The following APP variants were observed in gnomAD, a reference collection of about 807,000 sequenced individuals.
The protein encoded by APP is amyloid-beta precursor protein.
Under a neutral mutation model 101.4 loss-of-function variants are expected in APP, and 31 were observed. That is an observed-to-expected ratio of 0.31 (90% CI 0.23 to 0.41). The LOEUF is 0.41. Among genes scored for constraint, APP ranks in the 10% least tolerant of loss-of-function variants. The pLI is 1.00. For missense variants in APP, 839 were observed against 1,003.7 expected (o/e 0.84, Z 2.22); for synonymous variants, 366 against 364.4 (o/e 1.00, Z -0.05).
intron 1 of APP, among the ~76,000 whole-genome samples, chr21:26,118,293 A>C (rs926682928): frequency 1.2e-4 from 19 of 152,340 alleles, no homozygotes; most frequent in African/African-American, 4.6e-4. Context: ...GACTGATATA[A>C]ATGAATATAA....
In APP at chr21:25,911,762, G is replaced by A; in HGVS notation, c.1888C>T (p.Pro630Ser). The change falls in exon 14 of 18, where the codon CCA (proline) becomes TCA (serine). Residue 630 changes from proline to serine, a missense_variant. By Grantham distance (74) the Pro-to-Ser change is moderately conservative. Transcript: ENST00000346798. ...PWHSFGADSV[P>S]ANTENEVEPV... Reference sequence around the variant, plus strand: ...TTACCTTCGTTTTCTGTGTTGGCTGGCACAGAGTCAGCCCCAAAAGAATGC... The same window carrying A: ...TTACCTTCGTTTTCTGTGTTGGCTGACACAGAGTCAGCCCCAAAAGAATGC... 6.2e-7 allele frequency: 1 copy of A among 1,614,064 alleles called. No homozygotes were observed. The highest frequency in any genetic ancestry group is 8.5e-7 in the Non-Finnish European group (1 of 1,180,010).
intron 15 of APP, among the ~76,000 whole-genome samples, chr21:25,898,259 G>A (rs553710268): frequency 2.8e-4 from 42 of 152,238 alleles, no homozygotes; most frequent in African/African-American, 9.4e-4. Flanking sequence ...GCTGAATAAA[G>A]AGCTATAGTA....
chr21:25,968,689 TTA>T (rs1464453444), intron 11 of APP, among the ~76,000 whole-genome samples: 1 of 152,124 alleles, frequency 6.6e-6, no homozygotes, highest in Non-Finnish European at 1.5e-5. Flanking sequence ...ACTTCCACGT[TTA>T]GGTTTAAAAA....
chr21:26,110,590 T>G (rs1397369590), intron 2 of APP, among the ~76,000 whole-genome samples: 1 of 152,228 alleles, frequency 6.6e-6, no homozygotes, highest in Admixed American at 6.5e-5. Flanking sequence ...ATGTAGATGC[T>G]TTTTGCTTCT....
At chr21:26,028,167 ACT>A (rs2044664388) in intron 5 of APP, among the ~76,000 whole-genome samples, 1 of 143,642 alleles carries the variant, frequency 7.0e-6, no homozygotes, top group Admixed American at 7.3e-5. Context: ...ACAGAGTGAG[ACT>A]CTGTCTCAAA....
intron 6 of APP, among the ~76,000 whole-genome samples, chr21:26,014,736 C>T (rs2043977966): frequency 6.6e-6 from 1 of 152,180 alleles, no homozygotes; most frequent in African/African-American, 2.4e-5. Flanking sequence ...AGCAATAAAT[C>T]AAATGGTACT....
At chr21:25,967,535 C>T (rs999222520) in intron 11 of APP, among the ~76,000 whole-genome samples, 1 of 152,152 alleles carries the variant, frequency 6.6e-6, no homozygotes, top group Admixed American at 6.5e-5. Flanking sequence ...TCAAGTCTTA[C>T]AAATTAGGGG....
rs1324301529 is a variant in APP at position 25,952,187 on chromosome 21, T to TACACACACAC, written c.1687+2402_1687+2403insGTGTGTGTGT. Among the ~76,000 whole-genome samples, 505 of 111,176 alleles carry TACACACACAC rather than the reference T, an allele frequency of 4.5e-3. 4 individuals carry two copies. Among genetic ancestry groups the TACACACACAC allele is most frequent in the African/African-American group, 0.014 (475 of 34,410 alleles). The allele number at this position is 111,176 out of a possible 152,430, so 72.9% of individuals were successfully genotyped here. On this transcript the variant is annotated intron_variant, in intron 13 of 17. Coordinates refer to ENST00000346798, the MANE Select transcript of APP (RefSeq NM_000484.4). ...ATGGGTGGATTGAGAGCATATTACATACATACACACACACACACACACACA... is the reference window on the plus strand; with the variant it reads ...ATGGGTGGATTGAGAGCATATTACATACACACACACACATACACACACACACACACACACA...
intron 7 of APP, among the ~76,000 whole-genome samples, chr21:25,999,216 C>G (rs531667487): frequency 2.6e-5 from 4 of 152,112 alleles, no homozygotes; most frequent in African/African-American, 9.6e-5. Context: ...CACTTGAACC[C>G]GGGAGGCGGA....
At position 26,072,319 on chromosome 21, in the gene APP, T is replaced by C. The variant is rs539907391; in HGVS notation, c.355+17624A>G. 3.3e-5 allele frequency among the ~76,000 whole-genome samples: 5 copies of C among 152,352 alleles called. No homozygotes were observed. In the South Asian group the frequency reaches 8.3e-4, roughly 25 times the overall value. ...TAGCTGTTTAATTGGTATTCCTGTA[T>C]AGGACAGTTTTGTAGGTTTCCGGAT... On this transcript the variant is annotated intron_variant, in intron 3 of 17. Transcript: ENST00000346798.
chr21:26,131,847 A>G (rs2062804188), intron 1 of APP, among the ~76,000 whole-genome samples: 1 of 152,130 alleles, frequency 6.6e-6, no homozygotes, highest in Non-Finnish European at 1.5e-5. Context: ...TTTGACACCT[A>G]ATGTATACAG....
At chr21:26,157,012 T>C (rs550936232) in intron 1 of APP, among the ~76,000 whole-genome samples, 8 of 152,210 alleles carry the variant, frequency 5.3e-5, no homozygotes, top group Non-Finnish European at 1.0e-4. Flanking sequence ...AAGTGATAAT[T>C]TTCCTGACAG....
intron 15 of APP, among the ~76,000 whole-genome samples, chr21:25,900,484 C>T (rs1400392676): frequency 2.6e-5 from 4 of 151,580 alleles, no homozygotes; most frequent in African/African-American, 4.8e-5. Flanking sequence ...CGCTTGAACC[C>T]GGCAGGTGGA....
intron 1 of APP, among the ~76,000 whole-genome samples, chr21:26,119,944 C>A (rs1208220164): frequency 3.3e-5 from 5 of 152,170 alleles, no homozygotes; most frequent in Admixed American, 1.3e-4. Context: ...CAGATTAGCA[C>A]CCAGCACAGA....
chr21:25,889,484 T>A (rs1054138944), intron 17 of APP, among the ~76,000 whole-genome samples: 1 of 152,190 alleles, frequency 6.6e-6, no homozygotes, highest in African/African-American at 2.4e-5. Context: ...GCCTCTGGCA[T>A]CAAAGAAGGC....
At chr21:26,163,648 GTCT>G (rs1001191560) in intron 1 of APP, among the ~76,000 whole-genome samples, 3 of 152,056 alleles carry the variant, frequency 2.0e-5, no homozygotes, top group Admixed American at 6.6e-5. Context: ...CCCACTTCTT[GTCT>G]TCTTGTCTTT....
intron 2 of APP, among the ~76,000 whole-genome samples, chr21:26,100,396 T>C (rs1236804134): frequency 2.0e-5 from 3 of 152,210 alleles, no homozygotes; most frequent in Non-Finnish European, 4.4e-5. Flanking sequence ...TGCCTATGAT[T>C]TGCCAATTTT....
Position 26,062,058 on chromosome 21 carries a change from A to C in APP, c.356-8710T>G, listed in dbSNP as rs530514271. ...CACTCCGTCTCTACTAAAAATACAA[A>C]AATTAGCTGAGCATGTTGGCGCGCA... On this transcript the variant is annotated intron_variant, in intron 3 of 17. Transcript: ENST00000346798. 8.5e-5 allele frequency among the ~76,000 whole-genome samples: 13 copies of C among 152,074 alleles called. No homozygotes were observed. The South Asian group carries it at 2.7e-3, about 32-fold the overall frequency.
chr21:26,031,255 A>G (rs553545810), intron 5 of APP, among the ~76,000 whole-genome samples: 1 of 152,354 alleles, frequency 6.6e-6, no homozygotes, highest in South Asian at 2.1e-4. Flanking sequence ...ATGGCTACAA[A>G]GCAACCTAGG....
Sources: gnomAD v4.1 joint callset for allele counts (sites outside exome capture counted in the v4.1 genomes callset) on GRCh38, gnomAD v4.1.1 for gene constraint, MANE v1.5 for transcripts, NCBI Gene and HGNC (gene_info 2026-07-23, HGNC 2026-07-21) for gene names.